CLSTN2: variants seen among roughly 807,000 people sequenced by gnomAD.
The protein encoded by CLSTN2 is calsyntenin-2.
Under a neutral mutation model 101.2 loss-of-function variants are expected in CLSTN2, and 48 were observed. That is an observed-to-expected ratio of 0.47 (90% confidence interval 0.38 to 0.60). The LOEUF is 0.60. CLSTN2 is among the 20% of genes least tolerant of loss of function. The pLI is 0.00. For missense variants in CLSTN2, 1,160 were observed against 1,238.2 expected, an observed-to-expected ratio of 0.94 and a Z score of 0.95; for synonymous variants, 481 against 463.6, an observed-to-expected ratio of 1.04 and a Z score of -0.48.
chr3:140,182,057 G>T (rs948811571), intron 2 of CLSTN2, among the ~76,000 whole-genome samples: 3 of 152,154 alleles, frequency 2.0e-5, no homozygotes, highest in African/African-American at 7.2e-5. Context: ...CAGGAGAAAG[G>T]TGCAGCTTGG....
At chr3:139,989,531 TG>T (rs2107827519) in intron 1 of CLSTN2, among the ~76,000 whole-genome samples, 1 of 152,332 alleles carries the variant, frequency 6.6e-6, no homozygotes, top group East Asian at 1.9e-4. Flanking sequence ...CAGGGCCCTT[TG>T]CTCTGTCTGC....
intron 1 of CLSTN2, among the ~76,000 whole-genome samples, chr3:139,996,080 G>A (rs1014391300): frequency 6.6e-6 from 1 of 152,144 alleles, no homozygotes; most frequent in African/African-American, 2.4e-5. Context: ...CACCACAGAG[G>A]TGACCATGAT....
chr3:140,015,440 G>A (rs186072473), intron 1 of CLSTN2, among the ~76,000 whole-genome samples: 2 of 152,272 alleles, frequency 1.3e-5, no homozygotes, highest in African/African-American at 2.4e-5. Context: ...CTTGGATGAG[G>A]GTCACAGGAG....
Position 140,574,143 on chromosome 3 carries a change from C to T in CLSTN2, c.*7890C>T, listed in dbSNP as rs1985658809. 6.6e-6 allele frequency: 1 copy of T among 152,186 alleles called. No homozygotes were observed. 9.4% of individuals were successfully genotyped at this position (152,186 alleles called of 1,614,324 possible). ...AATTGAATCCCAGAGATCACTTGAC[C>T]TCAGTGAAGGGACTGGGTTTGAAGA... On this transcript the variant is annotated 3_prime_UTR_variant, in exon 17 of 17. Transcript: ENST00000458420.
intron 1 of CLSTN2, among the ~76,000 whole-genome samples, chr3:140,171,687 TATATATTA>T (rs2010222659): frequency 8.8e-6 from 1 of 114,034 alleles, no homozygotes; most frequent in Admixed American, 1.3e-4. Context: ...TTATATATAA[TATATATTA>T]ATATATAATA....
chr3:140,000,328 T>G (rs1261675282), intron 1 of CLSTN2, among the ~76,000 whole-genome samples: 1 of 152,222 alleles, frequency 6.6e-6, no homozygotes, highest in Non-Finnish European at 1.5e-5. Flanking sequence ...TAGCACTTAT[T>G]AATATTTTGG....
chr3:140,249,975 G>A (rs2086548356), intron 2 of CLSTN2, among the ~76,000 whole-genome samples: 1 of 152,190 alleles, frequency 6.6e-6, no homozygotes, highest in African/African-American at 2.4e-5. Context: ...GGAAAGCTCA[G>A]AAAGACAAGT....
chr3:140,572,154 A>T lies in CLSTN2; in HGVS notation c.*5901A>T, dbSNP rs1247394273. 3 of 152,260 alleles carry T rather than the reference A, an allele frequency of 2.0e-5. No homozygotes were observed. Among genetic ancestry groups the T allele is most frequent in the Admixed American group, 2.0e-4 (3 of 15,274 alleles). 9.4% of individuals were successfully genotyped at this position (152,260 alleles called of 1,614,324 possible). ...TGGGGACAGAAGTTTAGTGTTAGGG[A>T]GGCAGGGTAACTTGCTTTGACAGCT... On this transcript the variant is annotated 3_prime_UTR_variant, in exon 17 of 17. Transcript: ENST00000458420.
At chr3:140,274,878 T>C (rs1218831763) in intron 2 of CLSTN2, among the ~76,000 whole-genome samples, 1 of 152,224 alleles carries the variant, frequency 6.6e-6, no homozygotes, top group African/African-American at 2.4e-5. Context: ...ACTTTGCTTC[T>C]GTGCAACAGC....
At chr3:140,385,357 C>CTTTTTT (rs546696189) in intron 2 of CLSTN2, among the ~76,000 whole-genome samples, 14 of 72,834 alleles carry the variant, frequency 1.9e-4, no homozygotes, top group African/African-American at 6.5e-4. Flanking sequence ...CCCTGATGTT[C>CTTTTTT]TTTTTTTTTT....
chr3:140,114,365 G>A (rs924996117), intron 1 of CLSTN2, among the ~76,000 whole-genome samples: 3 of 151,974 alleles, frequency 2.0e-5, no homozygotes, highest in African/African-American at 4.8e-5. Context: ...TGGTGCTCCC[G>A]CTGGCCCTGC....
At chr3:140,211,523 A>T (rs1347946849) in intron 2 of CLSTN2, among the ~76,000 whole-genome samples, 2 of 106,622 alleles carry the variant, frequency 1.9e-5, no homozygotes, top group African/African-American at 3.7e-5. Context: ...GACTCCAAGG[A>T]TCAAAATCTG....
chr3:140,185,354 AC>A (rs2010470801), intron 2 of CLSTN2, among the ~76,000 whole-genome samples: 1 of 152,034 alleles, frequency 6.6e-6, no homozygotes. Context: ...ACCCCCAACC[AC>A]CTTTCTTTTT....
chr3:140,212,201 G>T (rs1314046224), intron 2 of CLSTN2, among the ~76,000 whole-genome samples: 1 of 152,122 alleles, frequency 6.6e-6, no homozygotes, highest in Admixed American at 6.5e-5. Context: ...ATTTACACTC[G>T]ACTATCTGGT....
chr3:140,053,051 C>T (rs2008027845), intron 1 of CLSTN2, among the ~76,000 whole-genome samples: 4 of 152,266 alleles, frequency 2.6e-5, no homozygotes, highest in East Asian at 3.9e-4. Context: ...CTCTGGATGG[C>T]GCTGGCAGTC....
At chr3:140,373,257 C>A (rs1252231475) in intron 2 of CLSTN2, among the ~76,000 whole-genome samples, 1 of 152,186 alleles carries the variant, frequency 6.6e-6, no homozygotes, top group Admixed American at 6.5e-5. Flanking sequence ...CCAACACTGA[C>A]AATAGGAGAG....
chr3:140,511,950 T>A (rs1934823837), intron 8 of CLSTN2, among the ~76,000 whole-genome samples: 1 of 152,126 alleles, frequency 6.6e-6, no homozygotes, highest in Non-Finnish European at 1.5e-5. Context: ...TTTTGTGAAG[T>A]GTCTGTTCAT....
intron 1 of CLSTN2, among the ~76,000 whole-genome samples, chr3:140,016,748 G>C (rs374395189): frequency 1.6e-5 from 2 of 128,438 alleles, no homozygotes; most frequent in African/African-American, 5.9e-5. Flanking sequence ...GCAGTGAGCC[G>C]AGATCATACT....
At chr3:140,214,685 T>G (rs1254007053) in intron 2 of CLSTN2, among the ~76,000 whole-genome samples, 1 of 152,210 alleles carries the variant, frequency 6.6e-6, no homozygotes, top group East Asian at 1.9e-4. Flanking sequence ...CTCCAAGGAT[T>G]GCTTCTAGAG....
Sources: allele counts gnomAD v4.1 joint callset (sites outside exome capture counted in the v4.1 genomes callset), GRCh38; gene constraint gnomAD v4.1.1; transcripts MANE v1.5; gene names NCBI Gene and HGNC (gene_info 2026-07-23, HGNC 2026-07-21).